Variants in FUT8 observed in about 807,000 individuals in gnomAD.
The protein encoded by FUT8 is fucosyltransferase 8, also known as alpha-(1,6)-fucosyltransferase.
A neutral mutation model predicts 71.3 loss-of-function variants in FUT8; 29 were observed. The observed-to-expected ratio is 0.41, with a 90% CI of 0.30 to 0.55. The LOEUF (loss-of-function observed/expected upper bound fraction) is 0.55, where lower values mean the gene tolerates loss of function less well. Ranked by LOEUF, FUT8 falls within the 20% of genes least tolerant of loss-of-function variation. The pLI is 0.34. For missense variants in FUT8, 544 were observed against 702.1 expected, an observed-to-expected ratio of 0.77 and a Z score of 2.55; for synonymous variants, 254 against 239.3, an observed-to-expected ratio of 1.06 and a Z score of -0.57.
intron 2 of FUT8, among the ~76,000 whole-genome samples, chr14:65,549,325 T>C (rs1174324854): frequency 6.6e-6 from 1 of 151,960 alleles, no homozygotes; most frequent in Non-Finnish European, 1.5e-5. Context: ...TTTTTTTTTT[T>C]AGCATTTTAA....
chr14:65,625,327 T>A lies in FUT8; in HGVS notation c.483-4165T>A, dbSNP rs547706929. ...AGACTTTTGTGTTTCCATGAGCAAC[T>A]CACAATTTCATACAGATAGTGACTT... On this transcript the variant is annotated intron_variant, in intron 5 of 10. Coordinates refer to ENST00000673929, the MANE Select transcript of FUT8 (RefSeq NM_001371533.1). Among the ~76,000 whole-genome samples the A allele has an allele frequency of 2.6e-4, 40 of 152,264 alleles. 1 individual carries two copies. In the South Asian group the frequency reaches 7.3e-3, roughly 28 times the overall value.
At chr14:65,713,320 C>A (rs1252973629) in intron 7 of FUT8, among the ~76,000 whole-genome samples, 50 of 152,210 alleles carry the variant, frequency 3.3e-4, no homozygotes, top group Admixed American at 3.2e-3. Context: ...ACTTAGGTTG[C>A]TTTCAAATCT....
chr14:65,591,584 G>C (rs538714019), intron 3 of FUT8, among the ~76,000 whole-genome samples: 2 of 152,256 alleles, frequency 1.3e-5, no homozygotes, highest in Non-Finnish European at 2.9e-5. Context: ...AGGCAGGTAA[G>C]TTATTAGAGG....
the FUT8 span, among the ~76,000 whole-genome samples, chr14:65,367,550 T>C: frequency 6.6e-6 from 1 of 152,160 alleles, no homozygotes; most frequent in African/African-American, 2.4e-5. Context: ...TTAAGGACTA[T>C]TTAGAATAAT....
chr14:65,673,682 C>T (rs759404809), intron 7 of FUT8, among the ~76,000 whole-genome samples: 1 of 152,152 alleles, frequency 6.6e-6, no homozygotes, highest in Non-Finnish European at 1.5e-5. Context: ...GAGAGACTAG[C>T]TAATGTTTCC....
intron 10 of FUT8, 76 bp downstream of exon 10, chr14:65,733,457 C>G: frequency 9.0e-7 from 1 of 1,110,834 alleles, no homozygotes; most frequent in Non-Finnish European, 1.3e-6. Context: ...ATTTGTGTGT[C>G]TATGTGTTGT....
intron 3 of FUT8, among the ~76,000 whole-genome samples, chr14:65,598,000 C>G (rs1237296839): frequency 6.6e-6 from 1 of 152,068 alleles, no homozygotes; most frequent in Non-Finnish European, 1.5e-5. Flanking sequence ...GAGACCTTGT[C>G]TCTACAGAAA....
chr14:65,441,948 T>TCCC (rs1201419306), intron 1 of FUT8, among the ~76,000 whole-genome samples: 2 of 151,860 alleles, frequency 1.3e-5, no homozygotes, highest in Non-Finnish European at 2.9e-5. Flanking sequence ...TCCCTCCTCC[T>TCCC]CCCACAACCC....
intron 6 of FUT8, among the ~76,000 whole-genome samples, chr14:65,647,249 GTT>G (rs1471466614): frequency 6.6e-6 from 1 of 152,154 alleles, no homozygotes; most frequent in Non-Finnish European, 1.5e-5. Flanking sequence ...GGGAGCAGGT[GTT>G]TCTTCTTGTT....
intron 3 of FUT8, among the ~76,000 whole-genome samples, chr14:65,586,328 A>G (rs1442610891): frequency 6.6e-6 from 1 of 152,256 alleles, no homozygotes; most frequent in African/African-American, 2.4e-5. Flanking sequence ...TGAAATAAAG[A>G]AAATGTGATC....
At chr14:65,423,363 G>A (rs997140932) in intron 1 of FUT8, among the ~76,000 whole-genome samples, 2 of 150,798 alleles carry the variant, frequency 1.3e-5, no homozygotes, top group Non-Finnish European at 2.9e-5. Context: ...CCAGGTTCAC[G>A]CCATTCTCCT....
At chr14:65,695,711 T>G (rs1394015344) in intron 7 of FUT8, among the ~76,000 whole-genome samples, 1 of 152,106 alleles carries the variant, frequency 6.6e-6, no homozygotes, top group Non-Finnish European at 1.5e-5. Context: ...GCCTCTTAAC[T>G]GGTGTATTTT....
the FUT8 span, among the ~76,000 whole-genome samples, chr14:65,394,740 G>A: frequency 6.7e-6 from 1 of 148,188 alleles, no homozygotes; most frequent in Admixed American, 7.0e-5. Context: ...ATCCAGCAGG[G>A]CAGTCAAATC....
intron 3 of FUT8, among the ~76,000 whole-genome samples, chr14:65,562,036 AT>A (rs924417939): frequency 1.2e-4 from 18 of 150,812 alleles, no homozygotes; most frequent in African/African-American, 3.2e-4. Context: ...AGATTTTTTT[AT>A]TTTTTTTTAA....
At chr14:65,562,382 A>G (rs1566823762) in intron 3 of FUT8, among the ~76,000 whole-genome samples, 1 of 152,152 alleles carries the variant, frequency 6.6e-6, no homozygotes, top group Admixed American at 6.6e-5. Flanking sequence ...AAAGTTTATC[A>G]TTAAACAACT....
chr14:65,440,031 G>A (rs2065630171), intron 1 of FUT8, among the ~76,000 whole-genome samples: 1 of 142,932 alleles, frequency 7.0e-6, no homozygotes, highest in Non-Finnish European at 1.5e-5. Context: ...CTTTTCAGGA[G>A]AAGGAAGTCT....
At chr14:65,612,996 T>C (rs1164111016) in intron 3 of FUT8, among the ~76,000 whole-genome samples, 1 of 152,138 alleles carries the variant, frequency 6.6e-6, no homozygotes, top group African/African-American at 2.4e-5. Flanking sequence ...AAAGAATAGT[T>C]CTCCTGTATT....
intron 1 of FUT8, among the ~76,000 whole-genome samples, chr14:65,414,181 A>G (rs2065184892): frequency 6.6e-6 from 1 of 152,186 alleles, no homozygotes; most frequent in South Asian, 2.1e-4. Flanking sequence ...CAAATTCAAC[A>G]CAAGTTTTGT....
rs200873894 is a variant in FUT8 at position 65,631,205 on chromosome 14, AC to A, written c.597+1601del. On this transcript the variant is annotated intron_variant, in intron 6 of 10. Coordinates refer to ENST00000673929, the MANE Select transcript of FUT8 (RefSeq NM_001371533.1). ...AACTATAAACAGCTGGTGGTGCAGA[AC>A]CATCATCCTTATTTAAAATGGAAAT... is the stretch of plus-strand genomic sequence containing the variant. 9.2e-3 allele frequency among the ~76,000 whole-genome samples: 1,395 copies of A among 152,302 alleles called. 11 individuals are homozygous for A. The highest frequency in any genetic ancestry group is 0.015 in the Non-Finnish European group (1,030 of 68,018).
Sources: allele counts gnomAD v4.1 joint callset (sites outside exome capture counted in the v4.1 genomes callset), GRCh38; gene constraint gnomAD v4.1.1; transcripts MANE v1.5; gene names NCBI Gene and HGNC (gene_info 2026-07-23, HGNC 2026-07-21).